MAP3K7CL: variants seen among roughly 807,000 people sequenced by gnomAD.
MAP3K7CL encodes MAP3K7 C-terminal-like protein.
In MAP3K7CL, 16 loss-of-function variants were observed where a neutral mutation model predicts 18.6. The ratio of observed to expected loss-of-function variants is 0.86; its 90% CI spans 0.58 to 1.31. The LOEUF is 1.31. Ranked by LOEUF, MAP3K7CL falls within the 50% of genes most tolerant of loss-of-function variation. The pLI, the probability that MAP3K7CL is intolerant of heterozygous loss-of-function variation, is 0.00. For missense variants in MAP3K7CL, 163 were observed against 174.4 expected (o/e 0.93, Z 0.37); for synonymous variants, 65 against 66.8 (o/e 0.97, Z 0.13).
intron 3 of MAP3K7CL, among the ~76,000 whole-genome samples, chr21:29,156,811 T>C (rs539232624): frequency 2.4e-4 from 37 of 152,204 alleles, no homozygotes; most frequent in Non-Finnish European, 3.4e-4. Context: ...TTAAGCAAAT[T>C]CTTTGATCAG....
chr21:29,084,383 G>T (rs2085889533), upstream of MAP3K7CL, among the ~76,000 whole-genome samples: 1 of 152,060 alleles, frequency 6.6e-6, no homozygotes, highest in South Asian at 2.1e-4. Context: ...ATGTAAGATG[G>T]TCCCTGATTT....
intron 4 of MAP3K7CL, among the ~76,000 whole-genome samples, chr21:29,104,104 T>G (rs2086279442): frequency 6.6e-6 from 1 of 152,186 alleles, no homozygotes; most frequent in African/African-American, 2.4e-5. Context: ...ATATTTGTTT[T>G]GTTGTAGTTT....
intron 1 of MAP3K7CL, among the ~76,000 whole-genome samples, chr21:29,086,676 A>G (rs1015608077): frequency 2.0e-5 from 3 of 152,216 alleles, no homozygotes; most frequent in African/African-American, 7.2e-5. Flanking sequence ...CCTGCCCCAC[A>G]GTAACGAGAA....
chr21:29,119,661 A>ATT (rs1601188207), intron 4 of MAP3K7CL, among the ~76,000 whole-genome samples: 19 of 113,238 alleles, frequency 1.7e-4, no homozygotes, highest in Non-Finnish European at 3.0e-4. Context: ...TAATCCTAAA[A>ATT]CTTTTTTTTT....
chr21:29,156,353 T>A (rs1914400734), intron 3 of MAP3K7CL, among the ~76,000 whole-genome samples: 1 of 152,218 alleles, frequency 6.6e-6, no homozygotes, highest in Admixed American at 6.5e-5. Flanking sequence ...GGTATTCTTT[T>A]AAGTTATTTT....
At position 29,090,328 on chromosome 21, in the gene MAP3K7CL, T is replaced by C. The variant is rs568063379; in HGVS notation, c.58-1173T>C. On this transcript the variant is annotated intron_variant, in intron 1 of 6. Transcript: ENST00000286791. ...CTTTCTTCTACCAAATGTTACAAAA[T>C]GAAATACGTAAAAGGCGTAGGGAAT... Among the ~76,000 whole-genome samples, 3 of 152,266 alleles carry C rather than the reference T, an allele frequency of 2.0e-5. No homozygotes were observed. In the South Asian group the frequency reaches 6.2e-4, roughly 32 times the overall value.
At chr21:29,102,783 T>G (rs1307269198) in intron 4 of MAP3K7CL, 2 of 152,214 alleles carry the variant, frequency 1.3e-5, no homozygotes, top group Admixed American at 6.5e-5. Context: ...CATGGCTTCT[T>G]TCTTATTCTC....
intron 4 of MAP3K7CL, among the ~76,000 whole-genome samples, chr21:29,122,732 G>C (rs2086616573): frequency 6.6e-6 from 1 of 152,154 alleles, no homozygotes; most frequent in African/African-American, 2.4e-5. Context: ...GGGGGTCAGG[G>C]CAGGCCAGGG....
At chr21:29,085,395 G>C (rs949252340), upstream of MAP3K7CL, among the ~76,000 whole-genome samples, 5 of 151,994 alleles carry the variant, frequency 3.3e-5, no homozygotes, top group Non-Finnish European at 7.4e-5. Context: ...ACAAAATAAA[G>C]ATCCCTGCAC....
At chr21:29,115,902 A>G (rs1299077775) in intron 4 of MAP3K7CL, among the ~76,000 whole-genome samples, 1 of 152,248 alleles carries the variant, frequency 6.6e-6, no homozygotes, top group Non-Finnish European at 1.5e-5. Context: ...GTAAACATTA[A>G]TTGAATCTAA....
intron 3 of MAP3K7CL, 88 bp from the exon 4 acceptor site, chr21:29,159,852 CT>C: frequency 1.1e-6 from 1 of 935,954 alleles, no homozygotes; most frequent in East Asian, 2.5e-5. Flanking sequence ...AAGAAAAAAC[CT>C]TCGTTTAAAG....
chr21:29,114,848 A>G (rs945224475), intron 4 of MAP3K7CL, among the ~76,000 whole-genome samples: 1 of 152,212 alleles, frequency 6.6e-6, no homozygotes, highest in African/African-American at 2.4e-5. Context: ...TTCTAGTCAA[A>G]GTGAGTCACC....
chr21:29,079,744 CAG>C (rs572833730), intron 1 of MAP3K7CL, among the ~76,000 whole-genome samples: 154 of 152,304 alleles, frequency 1.0e-3, no homozygotes, highest in African/African-American at 3.6e-3. Flanking sequence ...GGCCTACATT[CAG>C]AGTTTCAAGA....
intron 4 of MAP3K7CL, among the ~76,000 whole-genome samples, chr21:29,122,609 G>A (rs2086613519): frequency 6.6e-6 from 1 of 152,188 alleles, no homozygotes; most frequent in South Asian, 2.1e-4. Flanking sequence ...CTGCCGTCAA[G>A]CCGTCCCTCT....
chr21:29,126,921 G>A (rs145688116), upstream of MAP3K7CL, among the ~76,000 whole-genome samples: 2 of 152,126 alleles, frequency 1.3e-5, no homozygotes, highest in African/African-American at 4.8e-5. Context: ...TAAAATGTTG[G>A]GGAAAATGTC....
upstream of MAP3K7CL, chr21:29,127,867 A>G (rs1450486954): frequency 6.6e-6 from 1 of 152,214 alleles, no homozygotes; most frequent in Non-Finnish European, 1.5e-5. Context: ...TGACAGTATC[A>G]TAGAAGGCAA....
chr21:29,162,565 C>A (rs1255267846), intron 4 of MAP3K7CL, among the ~76,000 whole-genome samples: 1 of 150,718 alleles, frequency 6.6e-6, no homozygotes, highest in East Asian at 2.0e-4. Flanking sequence ...CGCATGTAAT[C>A]CCAGCTACTC....
chr21:29,080,647 C>G (rs890609090), intron 1 of MAP3K7CL: 2 of 152,160 alleles, frequency 1.3e-5, no homozygotes, highest in African/African-American at 4.8e-5. Context: ...TGATATCGGT[C>G]CATCTAGTGG....
chr21:29,107,335 CA>C (rs796152577), intron 4 of MAP3K7CL, among the ~76,000 whole-genome samples: 2 of 151,896 alleles, frequency 1.3e-5, no homozygotes, highest in African/African-American at 4.8e-5. Context: ...AGAAAGAAAA[CA>C]AAAAAGTCTG....
Sources: gnomAD v4.1 joint callset for allele counts (sites outside exome capture counted in the v4.1 genomes callset) on GRCh38, gnomAD v4.1.1 for gene constraint, MANE v1.5 for transcripts, NCBI Gene and HGNC (gene_info 2026-07-23, HGNC 2026-07-21) for gene names.